CCPG1: variants seen among roughly 807,000 people sequenced by gnomAD.
CCPG1 encodes cell cycle progression protein 1.
In CCPG1, 46 loss-of-function variants were observed where a neutral mutation model predicts 81.3. That is an observed-to-expected ratio of 0.57 (90% CI 0.45 to 0.72). CCPG1 has a LOEUF of 0.72. Among genes scored for constraint, CCPG1 ranks in the 30% least tolerant of loss-of-function variants. The pLI is 0.00. For synonymous variants in CCPG1, 330 were observed against 305.2 expected, an observed-to-expected ratio of 1.08 and a Z score of -0.85; for missense variants, 902 against 937.6, an observed-to-expected ratio of 0.96 and a Z score of 0.50.
At chr15:55,389,183 A>G (rs534091818) in intron 2 of CCPG1, among the ~76,000 whole-genome samples, 182 bp downstream of exon 2, 1 of 152,238 alleles carries the variant, frequency 6.6e-6, no homozygotes, top group South Asian at 2.1e-4. Context: ...GCTATGTACA[A>G]TAATGTAGAA....
intron 3 of CCPG1, among the ~76,000 whole-genome samples, chr15:55,383,987 A>G (rs899556217): frequency 6.6e-6 from 1 of 152,196 alleles, no homozygotes; most frequent in Admixed American, 6.5e-5. Flanking sequence ...TGCATTCACA[A>G]CTTGGCTAAC....
intron 1 of CCPG1, among the ~76,000 whole-genome samples, chr15:55,397,812 A>G (rs146128493): frequency 1.7e-4 from 26 of 152,150 alleles, no homozygotes; most frequent in Non-Finnish European, 5.9e-5. Context: ...CCCTGTCTCT[A>G]TTAAAAATAC....
intron 7 of CCPG1, among the ~76,000 whole-genome samples, chr15:55,364,622 C>T (rs1196221749): frequency 6.6e-6 from 1 of 150,834 alleles, no homozygotes; most frequent in Non-Finnish European, 1.5e-5. Flanking sequence ...CACCTGTAAT[C>T]CCAGCACTTT....
chr15:55,382,538 C>T (rs2056720522), intron 3 of CCPG1, among the ~76,000 whole-genome samples: 3 of 146,584 alleles, frequency 2.0e-5, no homozygotes, highest in Admixed American at 1.4e-4. Flanking sequence ...GAGACAGAGT[C>T]TCGCTCTGTT....
At chr15:55,406,134 G>A (rs994879981) in intron 1 of CCPG1, among the ~76,000 whole-genome samples, 3 of 152,096 alleles carry the variant, frequency 2.0e-5, no homozygotes, top group Non-Finnish European at 4.4e-5. Context: ...CAAAGTCCTG[G>A]GATTACAGGC....
chr15:55,357,887 T>G (rs1037195420), intron 8 of CCPG1: 2 of 152,238 alleles, frequency 1.3e-5, no homozygotes, highest in African/African-American at 4.8e-5. Flanking sequence ...TTTTCAATTA[T>G]ATGCCTGTTC....
intron 2 of CCPG1, 25 bp from the exon 3 acceptor site, chr15:55,385,739 G>A (rs892031451): frequency 3.9e-6 from 5 of 1,293,428 alleles, no homozygotes; most frequent in Non-Finnish European, 5.6e-6. Context: ...TAATCTTTCA[G>A]TTATTTGCCT....
chr15:55,356,655 A>ATG (rs1406830325), intron 8 of CCPG1: 2 of 1,196,716 alleles, frequency 1.7e-6, no homozygotes, highest in African/African-American at 1.6e-5. Flanking sequence ...AAAGATAACA[A>ATG]AGAAAAGAAA....
chr15:55,405,820 T>A (rs1470276617), intron 1 of CCPG1, among the ~76,000 whole-genome samples: 1 of 152,244 alleles, frequency 6.6e-6, no homozygotes, highest in Non-Finnish European at 1.5e-5. Flanking sequence ...ATTCATATAG[T>A]CTACAGATGC....
intron 6 of CCPG1, 110 bp from the exon 7 acceptor site, chr15:55,365,419 G>GTTTTTT (rs111247245): frequency 2.2e-6 from 1 of 446,370 alleles, no homozygotes. Flanking sequence ...TCTTTTTTTT[G>GTTTTTT]TTTTTTTTTT....
Position 55,360,832 on chromosome 15 carries a change from A to T in CCPG1, c.941T>A (p.Leu314Ter), listed in dbSNP as rs1015945927. ...GGATAAGGCTTTTTCTTCCTTCTCC[A>T]AGGATACTCTTAAATACTGATTTTC... The part of the protein sequence containing the change: ...ATENQYLRVS[L>*]EKEEKALSSL... Residue 314 changes from leucine to a stop codon, truncating the protein, a stop_gained, in exon 8 of 9, where the codon TTG becomes TAG. Coordinates refer to ENST00000442196, the MANE Select transcript of CCPG1 (RefSeq NM_001204450.2). LOFTEE classifies it high-confidence loss of function. 1.2e-5 allele frequency: 19 copies of T among 1,612,006 alleles called. No homozygotes were observed. Among genetic ancestry groups the T allele is most frequent in the Non-Finnish European group, 1.5e-5 (18 of 1,179,480 alleles).
At chr15:55,389,976 T>C (rs1237478790) in intron 1 of CCPG1, among the ~76,000 whole-genome samples, 2 of 152,114 alleles carry the variant, frequency 1.3e-5, no homozygotes, top group Non-Finnish European at 2.9e-5. Context: ...CCGGTTGGAG[T>C]GCGGTGGCAC....
In CCPG1 at chr15:55,360,396, A is replaced by C; in HGVS notation, c.1377T>G (p.Asn459Lys). ...TTTTTCCATCTGTTCCTTGTTTTCC[A>C]TTTTGATCTTTTGCCTCAACATACA... Reference protein sequence around the residue: ...ERLYVEAKDQNGKQGTDGKKK... With the variant: ...ERLYVEAKDQKGKQGTDGKKK... The change falls in exon 8 of 9, where the codon AAT (asparagine) becomes AAG (lysine). Residue 459 changes from asparagine (N) to lysine (K), a missense_variant. Around this residue, in one of 3 missense-constraint regions of CCPG1, gnomAD observed 746 missense variants for 728.6 expected, o/e 1.02. Coordinates refer to ENST00000442196, the MANE Select transcript of CCPG1 (RefSeq NM_001204450.2). 1 of 1,613,104 alleles carries C rather than the reference A, an allele frequency of 6.2e-7. No homozygotes were observed. The highest frequency in any genetic ancestry group is 8.5e-7 in the Non-Finnish European group (1 of 1,179,886).
chr15:55,383,181 C>A (rs2056735389), intron 3 of CCPG1, among the ~76,000 whole-genome samples: 1 of 152,230 alleles, frequency 6.6e-6, no homozygotes, highest in Non-Finnish European at 1.5e-5. Flanking sequence ...TAACATGAAT[C>A]TCCTTGTACA....
chr15:55,397,644 G>A (rs1010405784), intron 1 of CCPG1, among the ~76,000 whole-genome samples: 2 of 152,130 alleles, frequency 1.3e-5, no homozygotes, highest in East Asian at 1.9e-4. Context: ...TAGCTACTGA[G>A]GCAGAAAGAC....
At chr15:55,356,650 TAACAA>T (rs1172751256) in intron 8 of CCPG1, 2 of 1,206,124 alleles carry the variant, frequency 1.7e-6, no homozygotes, top group African/African-American at 1.6e-5. Context: ...ACTCAAAAGA[TAACAA>T]AGAAAAGAAA....
intron 8 of CCPG1, chr15:55,358,575 T>C: frequency 1.0e-6 from 1 of 985,476 alleles, no homozygotes; most frequent in Non-Finnish European, 1.2e-6. Flanking sequence ...CTTCCCTGTC[T>C]GCATAGCAAA....
intron 7 of CCPG1, among the ~76,000 whole-genome samples, chr15:55,362,612 A>G (rs1310516648): frequency 6.6e-6 from 1 of 152,220 alleles, no homozygotes; most frequent in African/African-American, 2.4e-5. Context: ...AGGATGAAAG[A>G]AGAGTACAGC....
chr15:55,375,645 C>T (rs944698796), intron 5 of CCPG1, among the ~76,000 whole-genome samples: 3 of 151,550 alleles, frequency 2.0e-5, no homozygotes, highest in Admixed American at 6.6e-5. Flanking sequence ...GATATACTAA[C>T]TGAAAATAAC....
Sources: allele counts gnomAD v4.1 joint callset (sites outside exome capture counted in the v4.1 genomes callset), GRCh38; gene constraint gnomAD v4.1.1; regional missense constraint gnomAD v4.1.1; transcripts MANE v1.5; gene names NCBI Gene and HGNC (gene_info 2026-07-23, HGNC 2026-07-21).